Variants in ARHGEF10L observed in about 807,000 individuals in gnomAD.
The protein encoded by ARHGEF10L is Rho guanine nucleotide exchange factor 10 like, also known as rho guanine nucleotide exchange factor 10-like protein.
ARHGEF10L carries 69 observed loss-of-function variants against 141.2 expected under a neutral mutation model. That is an observed-to-expected ratio of 0.49 (90% CI 0.40 to 0.60). The LOEUF (loss-of-function observed/expected upper bound fraction) is 0.60, where lower values mean the gene tolerates loss of function less well. ARHGEF10L is among the 20% of genes least tolerant of loss of function. The pLI, the probability that ARHGEF10L is intolerant of heterozygous loss-of-function variation, is 0.00. For synonymous variants in ARHGEF10L, 711 were observed against 718.5 expected (o/e 0.99, Z 0.17); for missense variants, 1,482 against 1,734.3 (o/e 0.85, Z 2.58).
chr1:17,572,666 C>T lies in ARHGEF10L; in HGVS notation c.-43-7887C>T, dbSNP rs1399948944. Among the ~76,000 whole-genome samples, 10 of 152,322 alleles carry T rather than the reference C, an allele frequency of 6.6e-5. No homozygotes were observed. In the East Asian group the frequency reaches 1.5e-3, roughly 24 times the overall value. ...CCTTGGGTATGTACCCGCTGGCCTC[C>T]TGTGGCTGCTGCCTGAGGACAGGAA... On this transcript the variant is annotated intron_variant, in intron 1 of 28. Transcript: ENST00000361221.
Position 17,607,556 on chromosome 1 carries a change from G to T in ARHGEF10L, c.434-246G>T, listed in dbSNP as rs1311689886. On this transcript the variant is annotated intron_variant, in intron 6 of 28. Coordinates refer to ENST00000361221, the MANE Select transcript of ARHGEF10L (RefSeq NM_018125.4). This position sits in a 1 kb window ranked among gnomAD's most constrained non-coding sequence, Gnocchi z 4.5. ...GCTGGGAGCAAAAGGAAGTGAGCGG[G>T]CTTGTGCACGTCTGACCCATTTCTT... is the stretch of plus-strand genomic sequence containing the variant. 6.6e-6 allele frequency among the ~76,000 whole-genome samples: 1 copy of T among 152,230 alleles called. No individual in the cohort carries two copies. The highest frequency in any genetic ancestry group is 2.4e-5 in the African/African-American group (1 of 41,466).
Position 17,627,449 on chromosome 1 carries a change from G to T in ARHGEF10L, c.1530G>T (p.Val510=), listed in dbSNP as rs764380786. 26 of 1,613,260 alleles carry T rather than the reference G, an allele frequency of 1.6e-5. No individual in the cohort carries two copies. Among genetic ancestry groups the T allele is most frequent in the Non-Finnish European group, 2.2e-5 (26 of 1,180,038 alleles). The part of the protein sequence containing the change: ...LNEQKRLADQ[V]AEIQQLTKSV... ...AGCAGAAGCGGCTGGCTGACCAGGT[G>T]GCTGAGATCCAGCAGCTGACCAAGA... Residue 510 remains valine (V), a synonymous_variant, in exon 15 of 29, where the codon GTG becomes GTT. Transcript: ENST00000361221. This position sits in a 1 kb window ranked among gnomAD's most constrained non-coding sequence, Gnocchi z 4.0.
intron 1 of ARHGEF10L, among the ~76,000 whole-genome samples, chr1:17,556,426 G>A (rs866758178): frequency 6.6e-6 from 1 of 152,152 alleles, no homozygotes; most frequent in Admixed American, 6.5e-5. Flanking sequence ...TGAAATGAAG[G>A]CCTGGGCTTA....
At chr1:17,524,487 G>A in the ARHGEF10L span, among the ~76,000 whole-genome samples, 1 of 151,626 alleles carries the variant, frequency 6.6e-6, no homozygotes, top group Admixed American at 6.6e-5. Flanking sequence ...TAGGAGGATC[G>A]CTTGAGCCCA....
chr1:17,666,526 G>A (rs2062985635), intron 26 of ARHGEF10L, among the ~76,000 whole-genome samples: 1 of 152,120 alleles, frequency 6.6e-6, no homozygotes, highest in Admixed American at 6.5e-5. Context: ...ACTCATGCCA[G>A]GACCTGGCAG....
chr1:17,566,716 T>G (rs2077770758), intron 1 of ARHGEF10L, among the ~76,000 whole-genome samples: 1 of 152,194 alleles, frequency 6.6e-6, no homozygotes, highest in Non-Finnish European at 1.5e-5. Flanking sequence ...GTCCAGATGT[T>G]CAACTGTCCT....
chr1:17,695,284 A>T lies in ARHGEF10L; in HGVS notation c.3307+4A>T. 6.4e-7 allele frequency: 1 copy of T among 1,569,130 alleles called. No homozygotes were observed. The highest frequency in any genetic ancestry group is 1.2e-5 in the South Asian group (1 of 81,964). The stretch of plus-strand genomic sequence containing the variant: ...GAAGGCATCCCCAAGATCACAGGTG[A>T]GGCTTTGGGAGCTGGTGTTGGCAGG... On this transcript the variant is annotated splice_donor_region_variant and intron_variant, in intron 28 of 28. Transcript: ENST00000361221.
chr1:17,668,835 T>C (rs1255361731), intron 26 of ARHGEF10L, among the ~76,000 whole-genome samples: 1 of 152,182 alleles, frequency 6.6e-6, no homozygotes, highest in Non-Finnish European at 1.5e-5. Flanking sequence ...CTGCTTGGAA[T>C]ACAGGGGAAG....
chr1:17,519,175 A>T, the ARHGEF10L span, among the ~76,000 whole-genome samples: 30 of 143,020 alleles, frequency 2.1e-4, no homozygotes, highest in Admixed American at 1.4e-4. Flanking sequence ...AACTCTGTCT[A>T]AAAAAAAAAA....
At chr1:17,620,160 G>A (rs2060029310) in intron 10 of ARHGEF10L, among the ~76,000 whole-genome samples, 3 of 146,922 alleles carry the variant, frequency 2.0e-5, no homozygotes, top group African/African-American at 7.6e-5. Flanking sequence ...CCGAGATCGC[G>A]CCACTGCACT....
Position 17,637,901 on chromosome 1 carries a change from C to T in ARHGEF10L, c.1941C>T (p.Leu647=), listed in dbSNP as rs374132516. Residue 647 remains leucine (L), a synonymous_variant, in exon 19 of 29, where the codon CTC becomes CTT. Coordinates refer to ENST00000361221, the MANE Select transcript of ARHGEF10L (RefSeq NM_018125.4). ...TTCTCTGCCCAGATAAGGTGTACCT[C>T]GGCCCCCCACGCCTCTTCCAGGAGC... is the stretch of plus-strand genomic sequence containing the variant. The part of the protein sequence containing the change: ...ASGQAQNKVY[L]GPPRLFQELQ... 283 of 1,590,032 alleles carry T rather than the reference C, an allele frequency of 1.8e-4. 4 individuals are homozygous for T. In the South Asian group the frequency reaches 2.2e-3, roughly 12 times the overall value.
chr1:17,624,332 C>T (rs1470478956), intron 12 of ARHGEF10L, 55 bp from the exon 13 acceptor site: 10 of 1,449,732 alleles, frequency 6.9e-6, no homozygotes, highest in Non-Finnish European at 9.7e-6. Context: ...TGCCTCGTTT[C>T]CTTCTGCTCC....
At chr1:17,688,459 C>G (rs2064802667) in intron 27 of ARHGEF10L, among the ~76,000 whole-genome samples, 1 of 152,230 alleles carries the variant, frequency 6.6e-6, no homozygotes, top group Non-Finnish European at 1.5e-5. Flanking sequence ...GACCACGGGG[C>G]CAGCAGGCAT....
intron 1 of ARHGEF10L, among the ~76,000 whole-genome samples, chr1:17,564,601 G>A (rs566415895): frequency 3.7e-4 from 56 of 152,188 alleles, no homozygotes; most frequent in Non-Finnish European, 7.1e-4. Context: ...CTGCAGCCAC[G>A]TGGCCTGGGT....
chr1:17,550,764 C>G (rs1306814526), intron 1 of ARHGEF10L, among the ~76,000 whole-genome samples: 1 of 152,028 alleles, frequency 6.6e-6, no homozygotes, highest in African/African-American at 2.4e-5. Context: ...TGTGACCACC[C>G]AGAGAGACAA....
rs113572647 is a variant in ARHGEF10L, at chr1:17,600,889, A to G, written c.258-1238A>G. On this transcript the variant is annotated intron_variant, in intron 4 of 28. Coordinates refer to ENST00000361221, the MANE Select transcript of ARHGEF10L (RefSeq NM_018125.4). ...ACATGGTGAAACCCCATCTCTACCA[A>G]AAGTGCAAAAATTAGCTGGGTGTGG... Among the ~76,000 whole-genome samples the G allele has an allele frequency of 3.0e-3, 457 of 152,126 alleles. 3 individuals are homozygous for G. Among genetic ancestry groups the G allele is most frequent in the African/African-American group, 0.01 (434 of 41,506 alleles).
intron 9 of ARHGEF10L, among the ~76,000 whole-genome samples, chr1:17,617,545 C>G (rs1000996489): frequency 5.9e-5 from 9 of 152,228 alleles, no homozygotes; most frequent in Admixed American, 5.2e-4. Flanking sequence ...AATCCCAGTA[C>G]AGTGGGCTCA....
chr1:17,637,302 C>T (rs139944929), intron 18 of ARHGEF10L, among the ~76,000 whole-genome samples: 1 of 152,186 alleles, frequency 6.6e-6, no homozygotes, highest in Non-Finnish European at 1.5e-5. Context: ...GCAGTGCCCA[C>T]CACACTTCCA....
chr1:17,596,411 C>T (rs1441109966), intron 4 of ARHGEF10L, among the ~76,000 whole-genome samples: 1 of 152,222 alleles, frequency 6.6e-6, no homozygotes, highest in Non-Finnish European at 1.5e-5. Flanking sequence ...CTCTCCTGTC[C>T]TGTCCCTCCC....
Sources: allele counts gnomAD v4.1 joint callset (sites outside exome capture counted in the v4.1 genomes callset), GRCh38; gene constraint gnomAD v4.1.1; non-coding constraint Gnocchi (gnomAD v3.1); transcripts MANE v1.5; gene names NCBI Gene and HGNC (gene_info 2026-07-23, HGNC 2026-07-21).